The following CDC26 variants were observed in gnomAD, a reference collection of about 807,000 sequenced individuals.
The protein encoded by CDC26 is cell division cycle 26.
CDC26 carries 2 observed loss-of-function variants against 8.0 expected under a neutral mutation model. The observed-to-expected ratio is 0.25, with a 90% CI of 0.10 to 0.79. CDC26 has a LOEUF of 0.79. Ranked by LOEUF, CDC26 falls within the 30% of genes least tolerant of loss-of-function variation. CDC26 has a pLI of 0.70. For synonymous variants in CDC26, 19 were observed against 34.9 expected, an observed-to-expected ratio of 0.55 and a Z score of 1.60; for missense variants, 68 against 106.0, an observed-to-expected ratio of 0.64 and a Z score of 1.57.
At chr9:113,274,836 C>T (rs1237751557) in intron 1 of CDC26, among the ~76,000 whole-genome samples, 1 of 151,988 alleles carries the variant, frequency 6.6e-6, no homozygotes, top group African/African-American at 2.4e-5. Flanking sequence ...TGTAATTGTT[C>T]TAGGGGGTTG....
chr9:113,272,441 G>A lies in CDC26; in HGVS notation c.67C>T (p.Arg23Ter). ...LDDIEEFENI[R>*]KDLETRKKQK... ...TGTATTCATACCTCCAGGTCCTTTCGAATGTTCTCAAACTCTTCAATGTCA... is the reference window on the plus strand; with the variant it reads ...TGTATTCATACCTCCAGGTCCTTTCAAATGTTCTCAAACTCTTCAATGTCA... The change falls in exon 3 of 4, where the codon CGA becomes TGA. Residue 23 changes from arginine (R) to a stop codon, truncating the protein, a stop_gained. Transcript: ENST00000374206. LOFTEE classifies it high-confidence loss of function. 1 of 1,611,244 alleles carries A rather than the reference G, an allele frequency of 6.2e-7. No homozygotes were observed. The highest frequency in any genetic ancestry group is 8.5e-7 in the Non-Finnish European group (1 of 1,178,634).
chr9:113,270,237 G>C (rs568232769), intron 3 of CDC26, among the ~76,000 whole-genome samples: 2 of 152,342 alleles, frequency 1.3e-5, no homozygotes, highest in African/African-American at 4.8e-5. Flanking sequence ...AGCAGTGAAA[G>C]TGGAGAGATA....
intron 3 of CDC26, among the ~76,000 whole-genome samples, chr9:113,269,476 GT>G (rs1157047066): frequency 2.0e-5 from 3 of 152,300 alleles, no homozygotes; most frequent in African/African-American, 7.2e-5. Flanking sequence ...AGAAGCTAGA[GT>G]CACAGTAGTA....
chr9:113,273,457 G>C lies in CDC26; in HGVS notation c.-151-19C>G, dbSNP rs1363619034. The C allele has an allele frequency of 6.6e-6, 1 of 152,200 alleles. No individual in the cohort carries two copies. Among genetic ancestry groups the C allele is most frequent in the Non-Finnish European group, 1.5e-5 (1 of 68,064 alleles). 9.4% of individuals were successfully genotyped at this position (152,200 alleles called of 1,614,324 possible). A position where few individuals can be genotyped will look rare whatever the true frequency, so the allele number is the denominator to read the frequency against. On this transcript the variant is annotated intron_variant, in intron 1 of 3. Transcript: ENST00000374206. ...TCATAATCTGTGGGGAAAACAAAGA[G>C]AAAACTGTGATATCATGTAATGAGA...
intron 3 of CDC26, among the ~76,000 whole-genome samples, chr9:113,271,906 T>C (rs1415477393): frequency 6.6e-6 from 1 of 152,134 alleles, no homozygotes; most frequent in Non-Finnish European, 1.5e-5. Context: ...GGAGCCATCA[T>C]AGCACACTGT....
chr9:113,268,383 C>T (rs1831897987), intron 3 of CDC26, among the ~76,000 whole-genome samples: 2 of 152,194 alleles, frequency 1.3e-5, no homozygotes, highest in African/African-American at 4.8e-5. Context: ...GGTTTGGCTC[C>T]TAAGTCACAT....
Position 113,275,504 on chromosome 9 carries a change from C to T in CDC26, c.-274G>A. 2.1e-6 allele frequency: 1 copy of T among 486,422 alleles called. No homozygotes were observed. The highest frequency in any genetic ancestry group is 3.7e-6 in the Non-Finnish European group (1 of 270,684). 30.1% of individuals were successfully genotyped at this position (486,422 alleles called of 1,614,324 possible). On this transcript the variant is annotated 5_prime_UTR_variant, in exon 1 of 4. Transcript: ENST00000374206. ...AGCCTCTCTCTCCGCAGAACCTCGT[C>T]TTCCGCGAGCTTTTCCTGGAGGTTC...
intron 3 of CDC26, 94 bp downstream of exon 3, chr9:113,272,333 A>T: frequency 2.2e-6 from 2 of 900,348 alleles, no homozygotes; most frequent in Non-Finnish European, 3.7e-6. Flanking sequence ...CAGAGGAGGC[A>T]GAGGTTGCAG....
chr9:113,274,444 A>G (rs1832021485), intron 1 of CDC26, among the ~76,000 whole-genome samples: 1 of 152,234 alleles, frequency 6.6e-6, no homozygotes, highest in Non-Finnish European at 1.5e-5. Flanking sequence ...TAAATCAGGC[A>G]TTATCTTCTA....
At position 113,267,389 on chromosome 9, in the gene CDC26, T is replaced by G. The variant is rs761505806; in HGVS notation, c.132A>C (p.Gly44=). The G allele has an allele frequency of 3.8e-6, 6 of 1,598,302 alleles. No individual in the cohort carries two copies. The African/African-American group carries it at 6.8e-5, about 18-fold the overall frequency. The stretch of plus-strand genomic sequence containing the variant: ...CACTGCTAAGCCCAATGGCTCCTTC[T>G]CCATCACTGCCTCCTACAACTTCCA... The part of the protein sequence containing the change: ...EDVEVVGGSD[G]EGAIGLSSDP... Residue 44 remains glycine (G), a synonymous_variant, in exon 4 of 4, where the codon GGA becomes GGC. Transcript: ENST00000374206.
At chr9:113,274,837 T>C (rs929362693) in intron 1 of CDC26, among the ~76,000 whole-genome samples, 23 of 152,210 alleles carry the variant, frequency 1.5e-4, no homozygotes, top group Admixed American at 3.9e-4. Flanking sequence ...GTAATTGTTC[T>C]AGGGGGTTGC....
intron 1 of CDC26, among the ~76,000 whole-genome samples, chr9:113,274,137 G>A (rs939390857): frequency 5.3e-5 from 8 of 152,134 alleles, no homozygotes; most frequent in Admixed American, 2.6e-4. Context: ...TTGACAAAAT[G>A]ATTCCTATTT....
chr9:113,268,985 C>T (rs1169550539), intron 3 of CDC26, among the ~76,000 whole-genome samples: 1 of 152,164 alleles, frequency 6.6e-6, no homozygotes, highest in Non-Finnish European at 1.5e-5. Flanking sequence ...AATCTCTTGA[C>T]CTCGTGATCC....
intron 3 of CDC26, among the ~76,000 whole-genome samples, chr9:113,271,280 A>C (rs1427441267): frequency 3.3e-5 from 5 of 152,154 alleles, no homozygotes; most frequent in Non-Finnish European, 7.3e-5. Flanking sequence ...TAGTAGGCTG[A>C]AAAATGGCCC....
chr9:113,267,556 C>T, intron 3 of CDC26, 117 bp from the exon 4 acceptor site: 7 of 1,308,154 alleles, frequency 5.4e-6, no homozygotes, highest in Non-Finnish European at 7.4e-6. Context: ...GTGTAAAGAA[C>T]AATAAACTGA....
chr9:113,268,307 A>G (rs1158979771), intron 3 of CDC26, among the ~76,000 whole-genome samples: 2 of 152,222 alleles, frequency 1.3e-5, no homozygotes, highest in Non-Finnish European at 2.9e-5. Flanking sequence ...AAGTAACTCA[A>G]GAAGGTTTTA....
intron 3 of CDC26, among the ~76,000 whole-genome samples, chr9:113,267,856 G>T (rs1453102577): frequency 6.6e-6 from 1 of 152,064 alleles, no homozygotes; most frequent in Non-Finnish European, 1.5e-5. Context: ...GCATGGTGGC[G>T]CATGCCTGTA....
chr9:113,268,136 T>TGTG (rs1284475147), intron 3 of CDC26, among the ~76,000 whole-genome samples: 2 of 152,014 alleles, frequency 1.3e-5, no homozygotes, highest in African/African-American at 4.8e-5. Flanking sequence ...GGAGTTGGGG[T>TGTG]GTGGTGGTAC....
chr9:113,268,055 C>T (rs548307019), intron 3 of CDC26, among the ~76,000 whole-genome samples: 3 of 152,082 alleles, frequency 2.0e-5, no homozygotes, highest in Non-Finnish European at 2.9e-5. Context: ...GGCAAACAGA[C>T]GATTATAGGG....
Sources: allele counts gnomAD v4.1 joint callset (sites outside exome capture counted in the v4.1 genomes callset), GRCh38; gene constraint gnomAD v4.1.1; transcripts MANE v1.5; gene names NCBI Gene and HGNC (gene_info 2026-07-23, HGNC 2026-07-21).